Variants in CDKN2A observed in about 807,000 individuals in gnomAD.
CDKN2A encodes the protein cyclin dependent kinase inhibitor 2A, also known as cyclin-dependent kinase inhibitor 2A.
CDKN2A carries 3 observed loss-of-function variants against 11.1 expected under a neutral mutation model. The observed-to-expected ratio is 0.27, with a 90% CI of 0.12 to 0.70. The LOEUF (loss-of-function observed/expected upper bound fraction) is 0.70. Among genes scored for constraint, CDKN2A ranks in the 30% least tolerant of loss-of-function variants. The pLI is 0.77. For missense variants in CDKN2A, 265 were observed against 233.6 expected (o/e 1.13, Z -0.88); for synonymous variants, 122 against 108.1 (o/e 1.13, Z -0.80).
At chr9:21,990,648 G>GAGAGAGAA (rs1261600637) in intron 2 of CDKN2A, among the ~76,000 whole-genome samples, 2 of 149,372 alleles carry the variant, frequency 1.3e-5, no homozygotes, top group African/African-American at 5.0e-5. Context: ...GAGAGAGAGA[G>GAGAGAGAA]AGAAACTGTT....
At chr9:21,969,436 G>T (rs1047009772) in intron 2 of CDKN2A, 12 of 304,248 alleles carry the variant, frequency 3.9e-5, no homozygotes, top group Non-Finnish European at 7.2e-5. Flanking sequence ...CATTCACCTT[G>T]GCGTGCCCAC....
At chr9:21,986,491 T>A (rs1489618327) in intron 2 of CDKN2A, among the ~76,000 whole-genome samples, 1 of 151,970 alleles carries the variant, frequency 6.6e-6, no homozygotes, top group African/African-American at 2.4e-5. Flanking sequence ...ACTGAAACCA[T>A]ATACATATTT....
chr9:21,981,373 T>C (rs1820195187), intron 2 of CDKN2A, among the ~76,000 whole-genome samples: 1 of 151,376 alleles, frequency 6.6e-6, no homozygotes, highest in African/African-American at 2.4e-5. Flanking sequence ...AAAGCTCCCA[T>C]AATTAAAGAG....
rs200863613 is a variant in CDKN2A, at chr9:21,971,061, C to T, written c.298G>A (p.Ala100Thr). The T allele has an allele frequency of 6.2e-7, 1 of 1,605,346 alleles. No homozygotes were observed. Among genetic ancestry groups the T allele is most frequent in the South Asian group, 1.1e-5 (1 of 90,952 alleles). Residue 100 changes from alanine to threonine, a missense_variant, in exon 2 of 3, where the codon GCC becomes ACC. Coordinates refer to ENST00000304494, the MANE Select transcript of CDKN2A (RefSeq NM_000077.5). ...FLDTLVVLHR[A>T]GARLDVRDAW... ...TCGCGCACGTCCAGCCGCGCCCCGGCCCGGTGCAGCACCACCAGCGTGTCC... is the reference window on the plus strand; with the variant it reads ...TCGCGCACGTCCAGCCGCGCCCCGGTCCGGTGCAGCACCACCAGCGTGTCC...
rs1819722375 is a variant in CDKN2A at position 21,971,175 on chromosome 9, G to C, written c.184C>G (p.Leu62Val). ...GGCTCCGCGCCGTGGAGCAGCAGCA[G>C]CTCCGCCACTCGGGCGCTGCCCATC... ...MMMGSARVAE[L>V]LLLHGAEPNC... The change falls in exon 2 of 3, where the codon CTG becomes GTG. Residue 62 changes from leucine (L) to valine (V), a missense_variant. By Grantham distance (32) the Leu-to-Val change is conservative. Transcript: ENST00000304494. The C allele has an allele frequency of 6.3e-7, 1 of 1,595,912 alleles. No individual in the cohort carries two copies. Among genetic ancestry groups the C allele is most frequent in the Non-Finnish European group, 8.5e-7 (1 of 1,178,214 alleles).
In CDKN2A at chr9:21,971,115, C is replaced by T. The variant is rs1060501269; in HGVS notation, c.244G>A (p.Val82Met). ...AAGCCCTCCCGGGCAGCGTCGTGCA[C>T]GGGTCGGGTGAGAGTGGCGGGGTCG... is the stretch of plus-strand genomic sequence containing the variant. ...CADPATLTRP[V>M]HDAAREGFLD... The change falls in exon 2 of 3, where the codon GTG becomes ATG. Residue 82 changes from valine to methionine, a missense_variant. Coordinates refer to ENST00000304494, the MANE Select transcript of CDKN2A (RefSeq NM_000077.5). 2 of 1,604,242 alleles carry T rather than the reference C, an allele frequency of 1.2e-6. No individual in the cohort carries two copies. The highest frequency in any genetic ancestry group is 1.7e-6 in the Non-Finnish European group (2 of 1,179,522).
intron 1 of CDKN2A, chr9:21,994,564 G>C: frequency 1.9e-6 from 2 of 1,074,824 alleles, no homozygotes; most frequent in Non-Finnish European, 2.5e-6. Context: ...ATCTCGGAAC[G>C]GCTCTGAGCC....
Position 21,968,829 on chromosome 9 carries a change from A to C in CDKN2A, c.458-587T>G, listed in dbSNP as rs2131082930. On this transcript the variant is annotated intron_variant, in intron 2 of 2. Coordinates refer to ENST00000304494, the MANE Select transcript of CDKN2A (RefSeq NM_000077.5). The surrounding 1 kb of genome is among the most constrained non-coding windows in gnomAD (Gnocchi z 4.7). ...GCTCTGGCTTCTGCCTTCCTCTCTA[A>C]TCTCGTTGCGTATGGGCTCCAGCTC... The C allele has an allele frequency of 5.3e-6, 8 of 1,502,712 alleles. No homozygotes were observed. The highest frequency in any genetic ancestry group is 2.4e-5 in the South Asian group (2 of 83,302). 93.1% of individuals were successfully genotyped at this position (1,502,712 alleles called of 1,614,324 possible). A position where few individuals can be genotyped will look rare whatever the true frequency, so the allele number is the denominator to read the frequency against.
rs993924320 is a variant in CDKN2A, at chr9:21,968,698, G to A, written c.458-456C>T. 1.2e-5 allele frequency: 18 copies of A among 1,536,136 alleles called. No individual in the cohort carries two copies. The highest frequency in any genetic ancestry group is 7.3e-5 in the East Asian group (3 of 40,918). On this transcript the variant is annotated intron_variant, in intron 2 of 2. Coordinates refer to ENST00000304494, the MANE Select transcript of CDKN2A (RefSeq NM_000077.5). This position sits in a 1 kb window ranked among gnomAD's most constrained non-coding sequence, Gnocchi z 4.7. ...ACCAAAGGGCGCCTCAGGCTCTGGC[G>A]CTCCTCGGCGGAATCCCGTAGCTTC...
At position 21,968,804 on chromosome 9, in the gene CDKN2A, G is replaced by A. The variant is rs149684608; in HGVS notation, c.458-562C>T. 3.1e-5 allele frequency: 47 copies of A among 1,534,602 alleles called. No homozygotes were observed. In the African/African-American group the frequency reaches 6.0e-4, roughly 20 times the overall value. Reference sequence around the variant, plus strand: ...AAAATGGATGCTCATTTATTCATGTGCTCTGGCTTCTGCCTTCCTCTCTAA... The same window carrying A: ...AAAATGGATGCTCATTTATTCATGTACTCTGGCTTCTGCCTTCCTCTCTAA... On this transcript the variant is annotated intron_variant, in intron 2 of 2. Coordinates refer to ENST00000304494, the MANE Select transcript of CDKN2A (RefSeq NM_000077.5). The surrounding 1 kb of genome is among the most constrained non-coding windows in gnomAD (Gnocchi z 4.7).
chr9:21,974,886 G>T, upstream of CDKN2A: 5 of 1,466,950 alleles, frequency 3.4e-6, no homozygotes, highest in Non-Finnish European at 4.5e-6. The surrounding 1 kb of genome is among the most constrained non-coding windows in gnomAD (Gnocchi z 5.2). Context: ...GAGCGCACGC[G>T]GTCCGCCCCA....
At chr9:21,971,244 G>C in intron 1 of CDKN2A, 36 bp from the exon 2 acceptor site, 2 of 1,585,006 alleles carry the variant, frequency 1.3e-6, no homozygotes, top group African/African-American at 1.3e-5. Flanking sequence ...AGCCAGGGTG[G>C]GGGCCGGCAT....
rs876659128 is a variant in CDKN2A, at chr9:21,971,167, C to A, written c.192G>T (p.Leu64=). Residue 64 remains leucine (L), a synonymous_variant, in exon 2 of 3, where the codon CTG becomes CTT. Transcript: ENST00000304494. ...CGCAGTTGGGCTCCGCGCCGTGGAG[C>A]AGCAGCAGCTCCGCCACTCGGGCGC... ...MGSARVAELL[L]LHGAEPNCAD... The A allele has an allele frequency of 6.3e-6, 10 of 1,595,192 alleles. No individual in the cohort carries two copies. Among genetic ancestry groups the A allele is most frequent in the Non-Finnish European group, 8.5e-6 (10 of 1,177,810 alleles).
intron 2 of CDKN2A, chr9:21,969,780 G>A (rs1819608662): frequency 2.6e-6 from 1 of 390,498 alleles, no homozygotes; most frequent in South Asian, 1.3e-4. Context: ...CCGGGACCTG[G>A]ATGCTAGCTG....
At chr9:21,979,605 G>A (rs1408274226), upstream of CDKN2A, among the ~76,000 whole-genome samples, 1 of 152,164 alleles carries the variant, frequency 6.6e-6, no homozygotes, top group Admixed American at 6.5e-5. Context: ...GGTCAGAACG[G>A]GGAGGAAGTT....
intron 1 of CDKN2A, chr9:21,994,567 T>C: frequency 9.9e-7 from 1 of 1,007,880 alleles, no homozygotes; most frequent in Non-Finnish European, 1.3e-6. Flanking sequence ...TCGGAACGGC[T>C]CTGAGCCCTG....
In CDKN2A at chr9:21,994,270, C is replaced by T. The variant is rs1057517601; in HGVS notation, c.-175-217G>A. ...CCGCGGGATGTGAACCACGAAAACC[C>T]TCACTCGCGGCGGGCCGCACGCGCG... On this transcript the variant is annotated intron_variant, in intron 1 of 3. Coordinates refer to the CDKN2A transcript ENST00000494262. 9 of 1,604,864 alleles carry T rather than the reference C, an allele frequency of 5.6e-6. No homozygotes were observed. The highest frequency in any genetic ancestry group is 7.6e-6 in the Non-Finnish European group (9 of 1,176,744).
intron 1 of CDKN2A, among the ~76,000 whole-genome samples, chr9:21,971,593 G>T (rs184840221): frequency 0.13 from 5,838 of 44,754 alleles, 1 homozygote; most frequent in African/African-American, 0.25. Context: ...TTTTTTTTTT[G>T]TTCACTGCTG....
In CDKN2A at chr9:21,974,490, T is replaced by C. The variant is rs2131109547; in HGVS notation, c.150+188A>G. ...GCGCGTGGCTCCTCATTCCTCTTCCTTGGCTTCCCAAGCCCCCAGGGCGTC... is the reference window on the plus strand; with the variant it reads ...GCGCGTGGCTCCTCATTCCTCTTCCCTGGCTTCCCAAGCCCCCAGGGCGTC... On this transcript the variant is annotated intron_variant, in intron 1 of 2. Transcript: ENST00000304494. This position sits in a 1 kb window ranked among gnomAD's most constrained non-coding sequence, Gnocchi z 5.2. The C allele has an allele frequency of 1.2e-6, 2 of 1,612,958 alleles. No individual in the cohort carries two copies. Among genetic ancestry groups the C allele is most frequent in the Non-Finnish European group, 1.7e-6 (2 of 1,179,802 alleles).
Sources: allele counts gnomAD v4.1 joint callset (sites outside exome capture counted in the v4.1 genomes callset), GRCh38; gene constraint gnomAD v4.1.1; non-coding constraint Gnocchi (gnomAD v3.1); transcripts MANE v1.5; gene names NCBI Gene and HGNC (gene_info 2026-07-23, HGNC 2026-07-21).